S100PBP: variants seen among roughly 807,000 people sequenced by gnomAD.
S100PBP encodes S100P binding protein, also known as S100P-binding protein.
Under a neutral mutation model 39.9 loss-of-function variants are expected in S100PBP, and 15 were observed. That is an observed-to-expected ratio of 0.38 (90% confidence interval 0.25 to 0.58). The LOEUF (loss-of-function observed/expected upper bound fraction) is 0.58. Among genes scored for constraint, S100PBP ranks in the 20% least tolerant of loss-of-function variants. The pLI is 0.70. For synonymous variants in S100PBP, 178 were observed against 180.3 expected (o/e 0.99, Z 0.10); for missense variants, 504 against 487.3 (o/e 1.03, Z -0.32).
At chr1:32,828,964 T>C (rs1042124689) in intron 4 of S100PBP, among the ~76,000 whole-genome samples, 3 of 152,172 alleles carry the variant, frequency 2.0e-5, no homozygotes, top group Admixed American at 2.0e-4. Context: ...ATCATGCCAC[T>C]GCACACCAGC....
At chr1:32,838,333 CAA>C (rs770251816) in intron 5 of S100PBP, among the ~76,000 whole-genome samples, 6 of 67,864 alleles carry the variant, frequency 8.8e-5, no homozygotes, top group Admixed American at 1.8e-4. Context: ...GACTCTGTCT[CAA>C]AAAAAAAAAA....
rs1640893345 is a variant in S100PBP at position 32,858,314 on chromosome 1, A to G, written c.*2276A>G. 1 of 152,704 alleles carries G rather than the reference A, an allele frequency of 6.5e-6. No individual in the cohort carries two copies. The highest frequency in any genetic ancestry group is 2.1e-4 in the South Asian group (1 of 4,838). 9.5% of individuals were successfully genotyped at this position (152,704 alleles called of 1,614,324 possible). A position where few individuals can be genotyped will look rare whatever the true frequency, so the allele number is the denominator to read the frequency against. ...GTTAACTAGAAAATGTGACAATCAC[A>G]TTTCCTCTTAGCTCAAATAATTCTG... On this transcript the variant is annotated 3_prime_UTR_variant, in exon 7 of 7. Coordinates refer to ENST00000373475, the MANE Select transcript of S100PBP (RefSeq NM_022753.4).
chr1:32,858,330 A>C lies in S100PBP; in HGVS notation c.*2292A>C, dbSNP rs1173256404. 6.6e-6 allele frequency: 1 copy of C among 152,670 alleles called. No homozygotes were observed. The highest frequency in any genetic ancestry group is 1.5e-5 in the Non-Finnish European group (1 of 68,038). 9.5% of individuals were successfully genotyped at this position (152,670 alleles called of 1,614,324 possible). On this transcript the variant is annotated 3_prime_UTR_variant, in exon 7 of 7. Coordinates refer to ENST00000373475, the MANE Select transcript of S100PBP (RefSeq NM_022753.4). ...GACAATCACATTTCCTCTTAGCTCA[A>C]ATAATTCTGTTTTTCCAAAGCTTTA...
Position 32,826,325 on chromosome 1 carries a change from G to T in S100PBP, c.226G>T (p.Asp76Tyr), listed in dbSNP as rs1362237284. 6.2e-7 allele frequency: 1 copy of T among 1,614,124 alleles called. No individual in the cohort carries two copies. Among genetic ancestry groups the T allele is most frequent in the East Asian group, 2.2e-5 (1 of 44,880 alleles). ...DPSYEQSSGEDDGGHVEKGER... is the reference protein window; with the variant it reads ...DPSYEQSSGEYDGGHVEKGER... ...ATCATATGAGCAGTCTTCTGGGGAAGATGATGGTGGGCATGTTGAGAAGGG... is the reference window on the plus strand; with the variant it reads ...ATCATATGAGCAGTCTTCTGGGGAATATGATGGTGGGCATGTTGAGAAGGG... Residue 76 changes from aspartate (D) to tyrosine (Y), a missense_variant, in exon 3 of 7, where the codon GAT (aspartate) becomes TAT (tyrosine). Physicochemically the swap from Asp to Tyr is radical, Grantham distance 160. Transcript: ENST00000373475.
chr1:32,832,274 C>T (rs564934865), intron 5 of S100PBP, among the ~76,000 whole-genome samples: 1 of 35,344 alleles, frequency 2.8e-5, no homozygotes, highest in African/African-American at 9.4e-5. Flanking sequence ...TTTTTTCATA[C>T]TGAAGTTTTT....
intron 4 of S100PBP, among the ~76,000 whole-genome samples, chr1:32,829,324 C>G (rs1437498655): frequency 1.3e-5 from 2 of 152,218 alleles, no homozygotes; most frequent in African/African-American, 4.8e-5. Flanking sequence ...TTTAACTTTT[C>G]AGTTTCACTC....
chr1:32,830,759 C>G (rs527877086), intron 5 of S100PBP, among the ~76,000 whole-genome samples: 1 of 152,128 alleles, frequency 6.6e-6, no homozygotes, highest in South Asian at 2.1e-4. Context: ...AAAAAGATCA[C>G]TCCAGGCTAG....
chr1:32,827,863 G>A (rs1639408493), intron 3 of S100PBP, 130 bp from the exon 4 acceptor site: 1 of 537,516 alleles, frequency 1.9e-6, no homozygotes. Context: ...GTTATACGTG[G>A]TACACAGTAG....
At chr1:32,826,029 A>G (rs1339146715) in intron 2 of S100PBP, 69 bp from the exon 3 acceptor site, 5 of 1,046,812 alleles carry the variant, frequency 4.8e-6, no homozygotes, top group African/African-American at 1.6e-5. Context: ...CATTACCCAC[A>G]TATAGTGGAC....
chr1:32,845,470 T>C (rs1422842806), intron 5 of S100PBP, among the ~76,000 whole-genome samples: 1 of 151,922 alleles, frequency 6.6e-6, no homozygotes, highest in African/African-American at 2.4e-5. Context: ...GGTATCTCAC[T>C]GTTACCCAGG....
rs1332041190 is a variant in S100PBP at position 32,844,514 on chromosome 1, T to TCC, written c.1025-8561_1025-8560dup. Among the ~76,000 whole-genome samples, 4 of 152,092 alleles carry TCC rather than the reference T, an allele frequency of 2.6e-5. No individual in the cohort carries two copies. The South Asian group carries it at 8.3e-4, about 32-fold the overall frequency. On this transcript the variant is annotated intron_variant, in intron 5 of 6. Coordinates refer to ENST00000373475, the MANE Select transcript of S100PBP (RefSeq NM_022753.4). ...TTTTATGAGATGGGGTCTGGTTCTG[T>TCC]CCCCCAGGCTAGAGTGCAGTGGGGC... is the stretch of plus-strand genomic sequence containing the variant.
At chr1:32,855,549 G>A (rs1229080758) in intron 6 of S100PBP, among the ~76,000 whole-genome samples, 1 of 152,132 alleles carries the variant, frequency 6.6e-6, no homozygotes, top group Non-Finnish European at 1.5e-5. Context: ...AGGTACAGGT[G>A]TGATGCAAAC....
At chr1:32,854,800 G>A (rs1206769280) in intron 6 of S100PBP, among the ~76,000 whole-genome samples, 2 of 151,966 alleles carry the variant, frequency 1.3e-5, no homozygotes, top group Admixed American at 6.6e-5. Context: ...CTTGCTTCAG[G>A]GCCTTTACAG....
At chr1:32,853,198 G>A (rs1322743645) in intron 6 of S100PBP, 32 bp downstream of exon 6, 5 of 1,534,098 alleles carry the variant, frequency 3.3e-6, no homozygotes, top group Non-Finnish European at 4.5e-6. Flanking sequence ...GATGGAAAAG[G>A]GTAGAATGGC....
chr1:32,836,594 G>A, intron 5 of S100PBP: 8 of 981,130 alleles, frequency 8.2e-6, no homozygotes, highest in Non-Finnish European at 9.7e-6. Flanking sequence ...TTGTAGAGTT[G>A]TTAATTGCTT....
At chr1:32,854,100 TACTCAAAA>T (rs1640731387) in intron 6 of S100PBP, among the ~76,000 whole-genome samples, 1 of 152,168 alleles carries the variant, frequency 6.6e-6, no homozygotes, top group Non-Finnish European at 1.5e-5. Context: ...TTGATTCAGA[TACTCAAAA>T]ACCTTGGAAT....
At chr1:32,821,254 G>A (rs980464578) in intron 1 of S100PBP, among the ~76,000 whole-genome samples, 3 of 151,970 alleles carry the variant, frequency 2.0e-5, no homozygotes, top group African/African-American at 7.3e-5. Context: ...CCTGAATTCC[G>A]GCCTTTCATG....
At chr1:32,831,749 G>A (rs1639610075) in intron 5 of S100PBP, among the ~76,000 whole-genome samples, 1 of 151,996 alleles carries the variant, frequency 6.6e-6, no homozygotes, top group Admixed American at 6.6e-5. Flanking sequence ...AAAGAAACCT[G>A]TCTATATTCA....
At chr1:32,817,524 C>G (rs985532166), upstream of S100PBP, 5 of 584,560 alleles carry the variant, frequency 8.6e-6, no homozygotes, top group African/African-American at 9.3e-5. Flanking sequence ...GGGCACAACC[C>G]TCCTAGAGGC....
Sources: allele counts gnomAD v4.1 joint callset (sites outside exome capture counted in the v4.1 genomes callset), GRCh38; gene constraint gnomAD v4.1.1; transcripts MANE v1.5; gene names NCBI Gene and HGNC (gene_info 2026-07-23, HGNC 2026-07-21).